RANBP2: variants seen among roughly 807,000 people sequenced by gnomAD.
RANBP2 encodes the protein E3 SUMO-protein ligase RanBP2.
Under a neutral mutation model 303.6 loss-of-function variants are expected in RANBP2, and 57 were observed. That is an observed-to-expected ratio of 0.19 (90% CI 0.15 to 0.23). The LOEUF (loss-of-function observed/expected upper bound fraction) is 0.23, where lower values mean the gene tolerates loss of function less well. RANBP2 is among the 10% of genes least tolerant of loss of function. The pLI, the probability that RANBP2 is intolerant of heterozygous loss-of-function variation, is 1.00. For missense variants in RANBP2, 3,138 were observed against 3,780.8 expected (o/e 0.83, Z 4.46); for synonymous variants, 1,167 against 1,301.5 (o/e 0.90, Z 2.23).
the RANBP2 span, among the ~76,000 whole-genome samples, chr2:109,170,283 TC>T: frequency 7.6e-6 from 1 of 131,158 alleles, no homozygotes; most frequent in African/African-American, 2.8e-5. Context: ...TCTTCTCTTC[TC>T]TTCTCTTCTC....
the RANBP2 span, among the ~76,000 whole-genome samples, chr2:108,827,261 A>C: frequency 6.6e-6 from 1 of 152,224 alleles, no homozygotes; most frequent in Non-Finnish European, 1.5e-5. Context: ...ATTTCAGTAA[A>C]GTATCCAGTT....
the RANBP2 span, among the ~76,000 whole-genome samples, chr2:109,440,213 C>T: frequency 6.6e-6 from 1 of 151,484 alleles, no homozygotes; most frequent in Non-Finnish European, 1.5e-5. Flanking sequence ...CAGAGGCATA[C>T]TGTCCTTTAA....
the RANBP2 span, among the ~76,000 whole-genome samples, chr2:108,802,469 A>G: frequency 2.8e-5 from 4 of 143,942 alleles, no homozygotes; most frequent in Admixed American, 2.8e-4. Context: ...TGATTTTTGT[A>G]CATTGATTTT....
chr2:109,707,734 A>G, the RANBP2 span, among the ~76,000 whole-genome samples: 5 of 152,344 alleles, frequency 3.3e-5, no homozygotes, highest in South Asian at 8.3e-4. Flanking sequence ...CCCTCTGCCC[A>G]TTTAACCTCC....
the RANBP2 span, among the ~76,000 whole-genome samples, chr2:109,354,131 A>G: frequency 5.9e-5 from 9 of 152,310 alleles, no homozygotes; most frequent in African/African-American, 2.2e-4. Context: ...CTGCACCAAA[A>G]GGCTGAGGGA....
chr2:109,156,018 A>C, the RANBP2 span, among the ~76,000 whole-genome samples: 305 of 152,264 alleles, frequency 2.0e-3, no homozygotes, highest in African/African-American at 6.5e-3. Context: ...CATGCTTCCC[A>C]CTGGGGTCAT....
the RANBP2 span, among the ~76,000 whole-genome samples, chr2:109,212,258 A>T: frequency 6.6e-6 from 1 of 152,072 alleles, no homozygotes; most frequent in South Asian, 2.1e-4. Flanking sequence ...AACTCCATGA[A>T]ATGAGGCTGC....
the RANBP2 span, among the ~76,000 whole-genome samples, chr2:108,890,927 T>C: frequency 2.0e-5 from 3 of 152,202 alleles, no homozygotes; most frequent in Non-Finnish European, 4.4e-5. Flanking sequence ...AGATTCTTTA[T>C]TCTCCCTTAT....
the RANBP2 span, among the ~76,000 whole-genome samples, chr2:109,574,404 C>A: frequency 7.8e-6 from 1 of 128,320 alleles, no homozygotes; most frequent in East Asian, 2.3e-4. Context: ...CACGATCTCA[C>A]AACTACCTCC....
At chr2:109,031,051 T>C in the RANBP2 span, among the ~76,000 whole-genome samples, 11 of 152,300 alleles carry the variant, frequency 7.2e-5, no homozygotes, top group Admixed American at 7.2e-4. Flanking sequence ...CACGGAGCGC[T>C]CCACGAGGGG....
At chr2:109,053,351 G>A in the RANBP2 span, among the ~76,000 whole-genome samples, 99 of 152,316 alleles carry the variant, frequency 6.5e-4, no homozygotes, top group African/African-American at 2.2e-3. Flanking sequence ...TGTAGTTCTC[G>A]CAAATAACTG....
the RANBP2 span, among the ~76,000 whole-genome samples, chr2:109,456,054 C>G: frequency 6.6e-6 from 1 of 152,242 alleles, no homozygotes; most frequent in African/African-American, 2.4e-5. Context: ...TCAGGTGCAG[C>G]CACAGTCTGA....
At chr2:108,748,443 G>C (rs1305039619) in intron 8 of RANBP2, among the ~76,000 whole-genome samples, 2 of 142,134 alleles carry the variant, frequency 1.4e-5, no homozygotes, top group African/African-American at 5.2e-5. Flanking sequence ...GGATGGTCTT[G>C]ATCTCCTGAC....
At chr2:108,720,217 A>G (rs2149049865) in intron 1 of RANBP2, 2 of 912,110 alleles carry the variant, frequency 2.2e-6, no homozygotes, top group African/African-American at 4.1e-5. Flanking sequence ...CGACGGCGCA[A>G]ATGACACTGA....
chr2:109,183,576 T>C, the RANBP2 span, among the ~76,000 whole-genome samples: 2 of 146,264 alleles, frequency 1.4e-5, no homozygotes, highest in African/African-American at 5.1e-5. Flanking sequence ...CTCTTCACAA[T>C]TCAGCCTTAA....
At chr2:109,174,088 G>C in the RANBP2 span, among the ~76,000 whole-genome samples, 1 of 152,246 alleles carries the variant, frequency 6.6e-6, no homozygotes, top group South Asian at 2.1e-4. Flanking sequence ...TTCCTTGCCT[G>C]TGCAGTGGCC....
the RANBP2 span, among the ~76,000 whole-genome samples, chr2:109,368,909 T>A: frequency 6.6e-6 from 1 of 151,946 alleles, no homozygotes; most frequent in East Asian, 1.9e-4. Flanking sequence ...CTTAGGCTGA[T>A]CTGAGCTGGG....
the RANBP2 span, among the ~76,000 whole-genome samples, chr2:109,163,544 G>A: frequency 3.3e-5 from 5 of 149,670 alleles, no homozygotes; most frequent in Non-Finnish European, 4.5e-5. Flanking sequence ...GACTACAGGC[G>A]CCCGCCACTA....
the RANBP2 span, among the ~76,000 whole-genome samples, chr2:108,953,767 G>T: frequency 5.9e-5 from 9 of 152,290 alleles, no homozygotes; most frequent in East Asian, 1.5e-3. Context: ...CAGAAAACTG[G>T]CAGGTGGAGA....
Sources: allele counts gnomAD v4.1 joint callset (sites outside exome capture counted in the v4.1 genomes callset), GRCh38; gene constraint gnomAD v4.1.1; transcripts MANE v1.5; gene names NCBI Gene and HGNC (gene_info 2026-07-23, HGNC 2026-07-21).